PARD3B: variants seen among roughly 807,000 people sequenced by gnomAD.
The protein encoded by PARD3B is partitioning defective 3 homolog B.
PARD3B carries 103 observed loss-of-function variants against 130.2 expected under a neutral mutation model. The observed-to-expected ratio is 0.79, with a 90% CI of 0.67 to 0.93. The LOEUF (loss-of-function observed/expected upper bound fraction) is 0.93, where lower values mean the gene tolerates loss of function less well. PARD3B is among the 40% of genes least tolerant of loss of function. The pLI is 0.00. For synonymous variants in PARD3B, 583 were observed against 553.2 expected (o/e 1.05, Z -0.76); for missense variants, 1,609 against 1,499.2 (o/e 1.07, Z -1.21).
chr2:204,887,560 G>A lies in PARD3B; in HGVS notation c.223-77592G>A, dbSNP rs1289534257. Among the ~76,000 whole-genome samples the A allele has an allele frequency of 6.6e-6, 1 of 152,092 alleles. No homozygotes were observed. ...GGTGTTTTTATTTTTTAAAAAGAAC[G>A]AAGAGATGGCAAACTAACCTATAAA... is the stretch of plus-strand genomic sequence containing the variant. On this transcript the variant is annotated intron_variant, in intron 2 of 22. Transcript: ENST00000406610. This position sits in a 1 kb window ranked among gnomAD's most constrained non-coding sequence, Gnocchi z 4.2.
intron 2 of PARD3B, among the ~76,000 whole-genome samples, chr2:204,756,109 C>A: frequency 6.6e-6 from 1 of 152,064 alleles, no homozygotes; most frequent in Non-Finnish European, 1.5e-5. Flanking sequence ...GAATTGCAGT[C>A]ATTGAGTTTC....
intron 15 of PARD3B, among the ~76,000 whole-genome samples, chr2:205,226,694 C>T (rs1484448402): frequency 2.6e-5 from 4 of 152,080 alleles, no homozygotes; most frequent in Non-Finnish European, 5.9e-5. Flanking sequence ...TTTCTAGTTT[C>T]TCTGTTCTGT....
chr2:205,158,838 A>G lies in PARD3B; in HGVS notation c.1551A>G (p.Lys517=). 3 of 1,614,146 alleles carry G rather than the reference A, an allele frequency of 1.9e-6. No individual in the cohort carries two copies. The highest frequency in any genetic ancestry group is 2.5e-6 in the Non-Finnish European group (3 of 1,180,014). ...TCGGGGTGAGCTTAAAAGGGAACAA[A>G]TCCAGAGAAACTGGAACAGACTTGG... The part of the protein sequence containing the change: ...AGLGVSLKGN[K]SRETGTDLGI... Residue 517 remains lysine (K), a synonymous_variant, in exon 11 of 23, where the codon AAA becomes AAG. Coordinates refer to ENST00000406610, the MANE Select transcript of PARD3B (RefSeq NM_001302769.2). The surrounding 1 kb of genome is among the most constrained non-coding windows in gnomAD (Gnocchi z 5.4).
chr2:205,106,061 A>G (rs567086110), intron 5 of PARD3B, among the ~76,000 whole-genome samples: 23 of 152,208 alleles, frequency 1.5e-4, no homozygotes, highest in Middle Eastern at 3.4e-3. Flanking sequence ...GTATGAACAA[A>G]TTAGCCAAGC....
At chr2:205,039,501 G>A (rs969665768) in intron 3 of PARD3B, among the ~76,000 whole-genome samples, 44 of 151,802 alleles carry the variant, frequency 2.9e-4, no homozygotes, top group African/African-American at 7.5e-4. Context: ...ACGGAATCTC[G>A]CTTTGTCACC....
intron 1 of PARD3B, among the ~76,000 whole-genome samples, chr2:204,608,149 C>A (rs10084275): frequency 1.3e-5 from 2 of 151,914 alleles, no homozygotes; most frequent in African/African-American, 4.8e-5. Flanking sequence ...AGACAGGCAA[C>A]AGGGGGGAAT....
chr2:205,554,941 G>A (rs1352634441), intron 22 of PARD3B, among the ~76,000 whole-genome samples: 1 of 152,138 alleles, frequency 6.6e-6, no homozygotes, highest in Non-Finnish European at 1.5e-5. Flanking sequence ...GGTGCGGGAG[G>A]TGCAGTCCTG....
At chr2:205,349,967 C>T (rs886116864) in intron 18 of PARD3B, among the ~76,000 whole-genome samples, 1 of 152,048 alleles carries the variant, frequency 6.6e-6, no homozygotes, top group African/African-American at 2.4e-5. Flanking sequence ...CGCACCCAAG[C>T]CAACACCAAG....
intron 20 of PARD3B, among the ~76,000 whole-genome samples, chr2:205,441,741 G>A (rs948835468): frequency 5.9e-5 from 9 of 152,140 alleles, no homozygotes; most frequent in Non-Finnish European, 1.3e-4. Context: ...GCATTTTTAT[G>A]CAGACTGTAA....
chr2:204,566,107 A>G (rs1305128352), intron 1 of PARD3B, among the ~76,000 whole-genome samples: 2 of 152,218 alleles, frequency 1.3e-5, no homozygotes, highest in African/African-American at 2.4e-5. Flanking sequence ...CCAGTGTTGA[A>G]CATAGTTGTT....
chr2:205,322,370 T>TG (rs2042780655), intron 18 of PARD3B, among the ~76,000 whole-genome samples: 1 of 152,134 alleles, frequency 6.6e-6, no homozygotes, highest in South Asian at 2.1e-4. Context: ...TCTTGTGTCT[T>TG]GGGAAAGAAG....
intron 20 of PARD3B, among the ~76,000 whole-genome samples, chr2:205,465,499 T>C (rs2048590174): frequency 6.6e-6 from 1 of 152,228 alleles, no homozygotes; most frequent in East Asian, 1.9e-4. Context: ...ATTATCTGAA[T>C]TCTTTTTTCC....
intron 20 of PARD3B, among the ~76,000 whole-genome samples, chr2:205,490,520 A>G (rs1317355893): frequency 1.3e-5 from 2 of 152,102 alleles, no homozygotes; most frequent in African/African-American, 4.8e-5. Context: ...TCATTGTTGG[A>G]CATTTGGCTT....
At chr2:205,555,855 A>G (rs942875878) in intron 22 of PARD3B, among the ~76,000 whole-genome samples, 8 of 152,190 alleles carry the variant, frequency 5.3e-5, no homozygotes, top group African/African-American at 1.9e-4. Context: ...CAACATCTAA[A>G]GAGGAGATGC....
At chr2:205,371,161 A>G (rs532061858) in intron 18 of PARD3B, among the ~76,000 whole-genome samples, 10 of 152,098 alleles carry the variant, frequency 6.6e-5, no homozygotes, top group Admixed American at 2.6e-4. Context: ...CCATCACTCT[A>G]TTAGCTAAGT....
At chr2:205,030,649 CTGTT>C (rs775631312) in intron 3 of PARD3B, among the ~76,000 whole-genome samples, 22 of 152,100 alleles carry the variant, frequency 1.4e-4, no homozygotes, top group African/African-American at 4.1e-4. Context: ...CATTAAAAGA[CTGTT>C]TGATACCATA....
intron 1 of PARD3B, among the ~76,000 whole-genome samples, chr2:204,685,750 C>T (rs1227553558): frequency 6.6e-6 from 1 of 152,080 alleles, no homozygotes. Context: ...GTAGTGATAG[C>T]TATTACCATC....
At chr2:205,441,031 G>A (rs953602710) in intron 20 of PARD3B, among the ~76,000 whole-genome samples, 1 of 152,204 alleles carries the variant, frequency 6.6e-6, no homozygotes, top group Non-Finnish European at 1.5e-5. Flanking sequence ...ATGGCACATG[G>A]AGGTGGAGAG....
At chr2:204,889,123 A>G (rs896623832) in intron 2 of PARD3B, among the ~76,000 whole-genome samples, 18 of 151,934 alleles carry the variant, frequency 1.2e-4, no homozygotes, top group African/African-American at 4.4e-4. Flanking sequence ...CGTCTTTTTC[A>G]TTTTGCCTCC....
Sources: allele counts gnomAD v4.1 joint callset (sites outside exome capture counted in the v4.1 genomes callset), GRCh38; gene constraint gnomAD v4.1.1; non-coding constraint Gnocchi (gnomAD v3.1); transcripts MANE v1.5; gene names NCBI Gene and HGNC (gene_info 2026-07-23, HGNC 2026-07-21).